Variants in CACNA1H observed in about 807,000 individuals in gnomAD.
The protein encoded by CACNA1H is voltage-dependent T-type calcium channel subunit alpha-1H.
Under a neutral mutation model 192.5 loss-of-function variants are expected in CACNA1H, and 149 were observed. The ratio of observed to expected loss-of-function variants is 0.77; its 90% CI spans 0.68 to 0.89. The LOEUF (loss-of-function observed/expected upper bound fraction) is 0.89, where lower values mean the gene tolerates loss of function less well. Among genes scored for constraint, CACNA1H ranks in the 40% least tolerant of loss-of-function variants. The probability of loss-of-function intolerance (pLI) is 0.00; values close to 1 mark genes in which losing one functional copy is unlikely to be tolerated. For synonymous variants in CACNA1H, 2,202 were observed against 1,475.2 expected (o/e 1.49, Z -11.29); for missense variants, 4,257 against 3,423.5 (o/e 1.24, Z -6.08).
chr16:1,153,741 ACCG>A lies in CACNA1H; in HGVS notation c.5_7del (p.Thr2_Glu3delinsLys). ...GCAGGTGCTGCCGGCCGCCACCATG[ACCG>A]AGGGCGCACGGGCCGCCGACGAGGT... On this transcript the variant is annotated inframe_deletion, in exon 2 of 35. Coordinates refer to ENST00000348261, the MANE Select transcript of CACNA1H (RefSeq NM_021098.3). The A allele has an allele frequency of 8.3e-7, 1 of 1,207,898 alleles. No homozygotes were observed. The highest frequency in any genetic ancestry group is 3.5e-5 in the East Asian group (1 of 28,266). 74.8% of individuals were successfully genotyped at this position (1,207,898 alleles called of 1,614,324 possible).
At chr16:1,195,780 A>T (rs922615065) in intron 4 of CACNA1H, 146 bp from the exon 5 acceptor site, 2 of 858,840 alleles carry the variant, frequency 2.3e-6, no homozygotes, top group African/African-American at 3.3e-5. Flanking sequence ...TGCTCCTGCT[A>T]CCTCGGGGCC....
intron 2 of CACNA1H, among the ~76,000 whole-genome samples, chr16:1,166,780 A>C (rs1484716849): frequency 6.6e-6 from 1 of 152,132 alleles, no homozygotes; most frequent in African/African-American, 2.4e-5. Context: ...TTCCACGGTT[A>C]GATGCGCCCT....
intron 1 of CACNA1H, 90 bp from the exon 2 acceptor site, chr16:1,153,630 G>A (rs1279413252): frequency 2.1e-5 from 17 of 803,538 alleles, no homozygotes; most frequent in Non-Finnish European, 2.6e-5. Flanking sequence ...AAGACATCCC[G>A]GCGGCCGCGG....
At chr16:1,205,091 A>C (rs963859790) in intron 10 of CACNA1H, 23 bp from the exon 11 acceptor site, 1 of 1,603,328 alleles carries the variant, frequency 6.2e-7, no homozygotes. Flanking sequence ...GGCCTCCTGA[A>C]CTGTCCCCAC....
Position 1,179,410 on chromosome 16 carries a change from C to T in CACNA1H, c.300-15562C>T, listed in dbSNP as rs577810886. Among the ~76,000 whole-genome samples the T allele has an allele frequency of 2.0e-5, 3 of 152,236 alleles. No individual in the cohort carries two copies. The South Asian group carries it at 6.2e-4, about 32-fold the overall frequency. On this transcript the variant is annotated intron_variant, in intron 2 of 34. Coordinates refer to ENST00000348261, the MANE Select transcript of CACNA1H (RefSeq NM_021098.3). ...CGCGAGGTTGGGGAGGTGGGAGAGC[C>T]GACCGAGCCGCTGCTGAGTGGCTGT...
At chr16:1,162,938 C>T (rs1225923522) in intron 2 of CACNA1H, among the ~76,000 whole-genome samples, 2 of 152,218 alleles carry the variant, frequency 1.3e-5, no homozygotes, top group African/African-American at 2.4e-5. Context: ...GGCCACTCCA[C>T]GGGTGCCTGG....
rs773936742 is a variant in CACNA1H at position 1,210,751 on chromosome 16, C to G, written c.4039-36C>G. The G allele has an allele frequency of 1.9e-6, 3 of 1,594,822 alleles. No homozygotes were observed. The Admixed American group carries it at 5.0e-5, about 27-fold the overall frequency. On this transcript the variant is annotated intron_variant, in intron 20 of 34. Transcript: ENST00000348261. The stretch of plus-strand genomic sequence containing the variant: ...GCGCCAGCTCCCCAGACCCCCCACG[C>G]CTGAGCCTGAGCTCAGTGCCATTGG...
At chr16:1,215,738 T>C (rs1969972132) in intron 30 of CACNA1H, 145 bp downstream of exon 30, 2 of 692,584 alleles carry the variant, frequency 2.9e-6, no homozygotes, top group Admixed American at 2.4e-5. Context: ...CTGTGTGCAG[T>C]GCATGGCTTG....
chr16:1,202,818 G>T (rs944890036), intron 9 of CACNA1H, among the ~76,000 whole-genome samples: 11 of 152,154 alleles, frequency 7.2e-5, no homozygotes, highest in African/African-American at 2.7e-4. Context: ...TGGAGGACGT[G>T]CAGCGTCCTT....
chr16:1,177,766 A>G (rs1312152894), intron 2 of CACNA1H, among the ~76,000 whole-genome samples: 2 of 150,904 alleles, frequency 1.3e-5, no homozygotes, highest in African/African-American at 2.4e-5. Flanking sequence ...CTGTGTCCTC[A>G]CCTGGTGGGA....
At chr16:1,198,821 C>G (rs1400176687) in intron 6 of CACNA1H, 47 bp downstream of exon 6, 1 of 1,560,342 alleles carries the variant, frequency 6.4e-7, no homozygotes, top group South Asian at 1.1e-5. Context: ...ATGGCCCTGC[C>G]CACCATGCAG....
At chr16:1,155,054 A>G (rs1477989962) in intron 2 of CACNA1H, among the ~76,000 whole-genome samples, 1 of 152,228 alleles carries the variant, frequency 6.6e-6, no homozygotes, top group Non-Finnish European at 1.5e-5. Flanking sequence ...GGCTGGCAGC[A>G]GGAGCGGCCT....
chr16:1,170,016 C>G (rs533982334), intron 2 of CACNA1H, among the ~76,000 whole-genome samples: 1 of 152,342 alleles, frequency 6.6e-6, no homozygotes, highest in African/African-American at 2.4e-5. Flanking sequence ...ATGTGCAGGG[C>G]TCAAGTCCCG....
chr16:1,158,742 T>C (rs1026326427), intron 2 of CACNA1H, among the ~76,000 whole-genome samples: 2 of 152,150 alleles, frequency 1.3e-5, no homozygotes, highest in Admixed American at 1.3e-4. Flanking sequence ...CTTGGTGCTC[T>C]TGGGAACGAG....
intron 2 of CACNA1H, among the ~76,000 whole-genome samples, chr16:1,187,143 G>A (rs1433159933): frequency 6.6e-6 from 1 of 152,254 alleles, no homozygotes; most frequent in Admixed American, 6.5e-5. Context: ...ATACACATAG[G>A]TCGTCTTCTT....
At chr16:1,200,047 C>T (rs945854389) in intron 6 of CACNA1H, among the ~76,000 whole-genome samples, 11 of 152,166 alleles carry the variant, frequency 7.2e-5, no homozygotes, top group African/African-American at 2.2e-4. Context: ...GACCCTGGTC[C>T]TGGCTGTGTC....
intron 2 of CACNA1H, among the ~76,000 whole-genome samples, chr16:1,184,846 G>A (rs1596350120): frequency 2.0e-5 from 3 of 152,368 alleles, no homozygotes; most frequent in South Asian, 4.1e-4. Context: ...AGCTGGGAAC[G>A]CAGGCTGTGG....
chr16:1,207,357 C>T lies in CACNA1H; in HGVS notation c.2990C>T (p.Ala997Val), dbSNP rs375023370. The change falls in exon 14 of 35, where the codon GCC becomes GTC. Residue 997 changes from alanine to valine, a missense_variant. Coordinates refer to ENST00000348261, the MANE Select transcript of CACNA1H (RefSeq NM_021098.3). Reference sequence around the variant, plus strand: ...TCCTGGGCCGCCCTCTACTTCGTGGCCCTCATGACCTTCGGCAACTATGTG... The same window carrying T: ...TCCTGGGCCGCCCTCTACTTCGTGGTCCTCATGACCTTCGGCAACTATGTG... ...TSSWAALYFVALMTFGNYVLF... is the reference protein window; with the variant it reads ...TSSWAALYFVVLMTFGNYVLF... 5.4e-5 allele frequency: 87 copies of T among 1,613,004 alleles called. No individual in the cohort carries two copies. Among genetic ancestry groups the T allele is most frequent in the South Asian group, 6.6e-5 (6 of 91,010 alleles).
chr16:1,205,695 C>T (rs8048138), intron 11 of CACNA1H, among the ~76,000 whole-genome samples: 6,637 of 152,228 alleles, frequency 0.044, 490 homozygotes, highest in African/African-American at 0.15. Flanking sequence ...GAAACGCCCC[C>T]GGTCTTCCCC....
Sources: allele counts gnomAD v4.1 joint callset (sites outside exome capture counted in the v4.1 genomes callset), GRCh38; gene constraint gnomAD v4.1.1; transcripts MANE v1.5; gene names NCBI Gene and HGNC (gene_info 2026-07-23, HGNC 2026-07-21).